The following PLCXD1 variants were observed in gnomAD, a reference collection of about 807,000 sequenced individuals.
PLCXD1 encodes PI-PLC X domain-containing protein 1.
A neutral mutation model predicts 37.8 loss-of-function variants in PLCXD1; 45 were observed. The ratio of observed to expected loss-of-function variants is 1.19; its 90% CI spans 0.94 to 1.53. PLCXD1 has a LOEUF of 1.53. Ranked by LOEUF, PLCXD1 falls within the 40% of genes most tolerant of loss-of-function variation. The pLI, the probability that PLCXD1 is intolerant of heterozygous loss-of-function variation, is 0.00. For missense variants in PLCXD1, 539 were observed against 454.7 expected, an observed-to-expected ratio of 1.19 and a Z score of -1.69; for synonymous variants, 246 against 206.9, an observed-to-expected ratio of 1.19 and a Z score of -1.62.
upstream of PLCXD1, among the ~76,000 whole-genome samples, chrX:276,771 G>T (rs28424188): frequency 2.6e-5 from 4 of 151,760 alleles, no homozygotes; most frequent in East Asian, 3.9e-4. Context: ...GGGACGGGTC[G>T]GGACAGCTGG....
At chrX:296,540 T>A (rs774356357) in intron 6 of PLCXD1, among the ~76,000 whole-genome samples, 11 of 152,298 alleles carry the variant, frequency 7.2e-5, no homozygotes, top group Admixed American at 2.6e-4. Context: ...AACCTACCTC[T>A]GGGGGAGCTT....
At chrX:282,306 T>TGGGAGGCGGAGGTTGCA (rs2069296403) in intron 1 of PLCXD1, among the ~76,000 whole-genome samples, 1 of 150,198 alleles carries the variant, frequency 6.7e-6, no homozygotes, top group African/African-American at 2.5e-5. Context: ...TGCTTGAACC[T>TGGGAGGCGGAGGTTGCA]GGGAGGCGGA....
At position 287,648 on chromosome X, in the gene PLCXD1, A is replaced by G. The variant is rs887045214; in HGVS notation, c.128-1085A>G. Among the ~76,000 whole-genome samples, 4 of 101,910 alleles carry G rather than the reference A, an allele frequency of 3.9e-5. 1 individual carries two copies. The Admixed American group carries it at 4.5e-4, about 12-fold the overall frequency. 66.9% of individuals were successfully genotyped at this position (101,910 alleles called of 152,430 possible). On this transcript the variant is annotated intron_variant, in intron 2 of 6. Transcript: ENST00000381657. ...ATGTTTATATATAGATATAGATACT[A>G]TATATGTTTATGGATATAGATACTA...
upstream of PLCXD1, among the ~76,000 whole-genome samples, chrX:280,073 T>C (rs927333172): frequency 6.6e-6 from 1 of 152,178 alleles, no homozygotes; most frequent in African/African-American, 2.4e-5. Context: ...GGTTTCGAAC[T>C]CCTGACCTCA....
chrX:284,092 A>G, intron 1 of PLCXD1, 75 bp from the exon 2 acceptor site: 1 of 1,192,386 alleles, frequency 8.4e-7, no homozygotes, highest in African/African-American at 1.5e-5. Context: ...GGTTTTGTCA[A>G]GTTGGCCAGG....
chrX:302,385 C>T lies in PLCXD1; in HGVS notation c.*3050C>T, dbSNP rs968742502. On this transcript the variant is annotated 3_prime_UTR_variant, in exon 7 of 7. Transcript: ENST00000381657. Reference sequence around the variant, plus strand: ...ACGGTCCTAGTTTCAGACGCAGATCCTGCAAATACTTTTTTTTGTTTTTTT... The same window carrying T: ...ACGGTCCTAGTTTCAGACGCAGATCTTGCAAATACTTTTTTTTGTTTTTTT... The T allele has an allele frequency of 6.6e-6, 1 of 151,868 alleles. No homozygotes were observed. The highest frequency in any genetic ancestry group is 2.4e-5 in the African/African-American group (1 of 41,350). The allele number at this position is 151,868 out of a possible 1,614,324, so 9.4% of individuals were successfully genotyped here. A position where few individuals can be genotyped will look rare whatever the true frequency, so the allele number is the denominator to read the frequency against.
intron 2 of PLCXD1, among the ~76,000 whole-genome samples, chrX:287,110 GT>G (rs1466562490): frequency 7.2e-5 from 11 of 151,974 alleles, no homozygotes; most frequent in African/African-American, 2.7e-4. Context: ...GATCACTTGA[GT>G]TTAGGAGTTT....
chrX:286,858 G>GT (rs1476118569), intron 2 of PLCXD1, among the ~76,000 whole-genome samples: 2 of 151,976 alleles, frequency 1.3e-5, no homozygotes, highest in Admixed American at 1.3e-4. Context: ...ACTAGGCAAG[G>GT]TGGGGGTAGG....
At chrX:298,905 G>A (rs991076581) in intron 6 of PLCXD1, among the ~76,000 whole-genome samples, 192 bp from the exon 7 acceptor site, 2 of 152,112 alleles carry the variant, frequency 1.3e-5, no homozygotes, top group Non-Finnish European at 1.5e-5. Context: ...ACGGTGTTAC[G>A]ACGTGAGCAT....
chrX:286,934 CTG>C (rs1447984389), intron 2 of PLCXD1, among the ~76,000 whole-genome samples: 2 of 151,834 alleles, frequency 1.3e-5, no homozygotes, highest in African/African-American at 4.8e-5. Flanking sequence ...GAGCAGGTGA[CTG>C]TGGCTTCGTT....
chrX:293,129 G>A lies in PLCXD1; in HGVS notation c.644G>A (p.Trp215Ter), dbSNP rs2069690488. Residue 215 changes from tryptophan (W) to a stop codon, truncating the protein, a stop_gained, in exon 6 of 7, where the codon TGG (tryptophan) becomes TAG (stop). Transcript: ENST00000381657. LOFTEE classifies it high-confidence loss of function. Reference sequence around the variant, plus strand: ...TCCTTGCGCCGGCACCACGAGCTGTGGCCAGGAGTCCCCTACTGGTGGGGA... The same window carrying A: ...TCCTTGCGCCGGCACCACGAGCTGTAGCCAGGAGTCCCCTACTGGTGGGGA... ...ESSLRRHHELWPGVPYWWGNR... is the reference protein window; with the variant it reads ...ESSLRRHHEL 6.2e-7 allele frequency: 1 copy of A among 1,612,188 alleles called. No individual in the cohort carries two copies. The highest frequency in any genetic ancestry group is 1.3e-5 in the African/African-American group (1 of 74,866).
intron 1 of PLCXD1, among the ~76,000 whole-genome samples, chrX:282,983 T>C (rs1409410798): frequency 6.8e-6 from 1 of 146,392 alleles, no homozygotes; most frequent in Non-Finnish European, 1.5e-5. Flanking sequence ...ATATGTATAA[T>C]ATATATTATA....
chrX:287,423 TTATA>T (rs1306035858), intron 2 of PLCXD1, among the ~76,000 whole-genome samples: 10 of 142,162 alleles, frequency 7.0e-5, no homozygotes, highest in South Asian at 2.1e-4. Context: ...TAATATATGT[TTATA>T]TATAGATATA....
At position 297,583 on chromosome X, in the gene PLCXD1, G is replaced by C. The variant is rs769354473; in HGVS notation, c.734-1514G>C. ...ATTCTGTCTATCACATGGGGATTAG[G>C]ACGTGGACATCTTTGGGGCTGTTAT... is the stretch of plus-strand genomic sequence containing the variant. On this transcript the variant is annotated intron_variant, in intron 6 of 6. Coordinates refer to ENST00000381657, the MANE Select transcript of PLCXD1 (RefSeq NM_018390.4). Among the ~76,000 whole-genome samples, 63 of 53,920 alleles carry C rather than the reference G, an allele frequency of 1.2e-3. 6 individuals are homozygous for C. The highest frequency in any genetic ancestry group is 1.8e-3 in the Non-Finnish European group (54 of 29,216). The allele number at this position is 53,920 out of a possible 152,430, so 35.4% of individuals were successfully genotyped here.
intron 6 of PLCXD1, among the ~76,000 whole-genome samples, chrX:293,625 C>T (rs1177220136): frequency 6.6e-6 from 1 of 152,136 alleles, no homozygotes; most frequent in Non-Finnish European, 1.5e-5. Flanking sequence ...GAAAGCAGTC[C>T]ATGTACATTG....
At chrX:292,020 G>A (rs1296004617) in intron 5 of PLCXD1, among the ~76,000 whole-genome samples, 3 of 147,824 alleles carry the variant, frequency 2.0e-5, no homozygotes, top group Non-Finnish European at 4.5e-5. Flanking sequence ...ACAACAATTA[G>A]GCTGGGTGTG....
Position 291,625 on chromosome X carries a change from A to G in PLCXD1, c.520A>G (p.Ile174Val), listed in dbSNP as rs146251037. The change falls in exon 5 of 7, where the codon ATC becomes GTC. Residue 174 changes from isoleucine (I) to valine (V), a missense_variant. Transcript: ENST00000381657. ...HEYLVACIKN[I>V]FGDMLCPRGE... Reference sequence around the variant, plus strand: ...GTACCTGGTCGCCTGTATCAAGAACATCTTCGGGGACATGCTGTGTCCTCG... The same window carrying G: ...GTACCTGGTCGCCTGTATCAAGAACGTCTTCGGGGACATGCTGTGTCCTCG... The G allele has an allele frequency of 6.2e-7, 1 of 1,612,814 alleles. No homozygotes were observed. Among genetic ancestry groups the G allele is most frequent in the Non-Finnish European group, 8.5e-7 (1 of 1,179,844 alleles).
chrX:300,347 TCA>T lies in PLCXD1; in HGVS notation c.*1016_*1017del, dbSNP rs2069964520. 6.6e-6 allele frequency: 1 copy of T among 152,144 alleles called. No individual in the cohort carries two copies. Among genetic ancestry groups the T allele is most frequent in the African/African-American group, 2.4e-5 (1 of 41,430 alleles). 9.4% of individuals were successfully genotyped at this position (152,144 alleles called of 1,614,324 possible). ...TGTCAGCCAACCCCTCAGCTAGTTC[TCA>T]CACCAAGCCTATAGATATATATGTG... On this transcript the variant is annotated 3_prime_UTR_variant, in exon 7 of 7. Transcript: ENST00000381657.
Position 299,492 on chromosome X carries a change from G to C in PLCXD1, c.*157G>C. 2 of 656,678 alleles carry C rather than the reference G, an allele frequency of 3.0e-6. No homozygotes were observed. Among genetic ancestry groups the C allele is most frequent in the Middle Eastern group, 4.2e-4 (1 of 2,386 alleles). 40.7% of individuals were successfully genotyped at this position (656,678 alleles called of 1,614,324 possible). The stretch of plus-strand genomic sequence containing the variant: ...TAGAGATGGGGTGGCTGGGCGTGGT[G>C]ACTTCGCCTGTCTTCCCAGCACTTT... On this transcript the variant is annotated 3_prime_UTR_variant, in exon 7 of 7. Coordinates refer to ENST00000381657, the MANE Select transcript of PLCXD1 (RefSeq NM_018390.4).
Sources: allele counts gnomAD v4.1 joint callset (sites outside exome capture counted in the v4.1 genomes callset), GRCh38; gene constraint gnomAD v4.1.1; transcripts MANE v1.5; gene names NCBI Gene and HGNC (gene_info 2026-07-23, HGNC 2026-07-21).